The following SLC25A13 variants were observed in gnomAD, a reference collection of about 807,000 sequenced individuals.
SLC25A13 encodes electrogenic aspartate/glutamate antiporter SLC25A13, mitochondrial.
SLC25A13 carries 70 observed loss-of-function variants against 85.5 expected under a neutral mutation model. That is an observed-to-expected ratio of 0.82 (90% CI 0.68 to 1.00). The LOEUF is 1.00. Among genes scored for constraint, SLC25A13 ranks in the 50% least tolerant of loss-of-function variants. The pLI is 0.00. For synonymous variants in SLC25A13, 259 were observed against 288.7 expected, an observed-to-expected ratio of 0.90 and a Z score of 1.04; for missense variants, 765 against 819.8, an observed-to-expected ratio of 0.93 and a Z score of 0.82.
At chr7:96,159,691 T>C (rs898235329) in intron 13 of SLC25A13, among the ~76,000 whole-genome samples, 6 of 151,824 alleles carry the variant, frequency 4.0e-5, no homozygotes, top group Non-Finnish European at 8.8e-5. Context: ...CAATATAGAA[T>C]TTTTTTTTCT....
intron 3 of SLC25A13, 147 bp from the exon 4 acceptor site, chr7:96,235,064 TTTTACATA>T: frequency 1.6e-6 from 1 of 618,176 alleles, no homozygotes; most frequent in Non-Finnish European, 2.8e-6. Context: ...TAGCATTTAC[TTTTACATA>T]TAGTGGACTG....
At chr7:96,291,571 C>T (rs1010846357) in intron 2 of SLC25A13, among the ~76,000 whole-genome samples, 16 of 151,800 alleles carry the variant, frequency 1.1e-4, no homozygotes, top group East Asian at 5.8e-4. Context: ...ATTAAATAGA[C>T]GCAATAAAAA....
intron 3 of SLC25A13, among the ~76,000 whole-genome samples, chr7:96,251,745 T>C (rs1320932077): frequency 1.3e-5 from 2 of 152,222 alleles, no homozygotes; most frequent in Non-Finnish European, 2.9e-5. Context: ...TAAACTGTTC[T>C]TGAAACTGTA....
At chr7:96,312,693 A>G (rs1369833031) in intron 1 of SLC25A13, among the ~76,000 whole-genome samples, 1 of 152,194 alleles carries the variant, frequency 6.6e-6, no homozygotes, top group Non-Finnish European at 1.5e-5. Flanking sequence ...TACTGTACCC[A>G]TGAACACGGT....
chr7:96,241,090 GAAAGAAAGAAAGA>G (rs1796976827), intron 3 of SLC25A13, among the ~76,000 whole-genome samples: 4 of 143,378 alleles, frequency 2.8e-5, no homozygotes, highest in Middle Eastern at 3.5e-3. Context: ...AAGAAAGAAA[GAAAGAAAGAAAGA>G]AAGGCACTTT....
chr7:96,217,615 A>G (rs1226173518), intron 4 of SLC25A13, among the ~76,000 whole-genome samples: 1 of 152,206 alleles, frequency 6.6e-6, no homozygotes, highest in Admixed American at 6.5e-5. Context: ...ATGCTAAGTA[A>G]AAGAAACCAA....
intron 3 of SLC25A13, among the ~76,000 whole-genome samples, chr7:96,273,494 G>A (rs1199782964): frequency 6.6e-6 from 1 of 152,118 alleles, no homozygotes; most frequent in Non-Finnish European, 1.5e-5. Flanking sequence ...AGCATGGGGG[G>A]TTATGTAGGA....
chr7:96,151,898 T>C (rs978678337), intron 13 of SLC25A13, among the ~76,000 whole-genome samples: 3 of 152,214 alleles, frequency 2.0e-5, no homozygotes, highest in African/African-American at 7.2e-5. Flanking sequence ...TGAGCCAAGA[T>C]TGTGCCACTG....
At chr7:96,241,269 T>C (rs1796987898) in intron 3 of SLC25A13, among the ~76,000 whole-genome samples, 1 of 152,166 alleles carries the variant, frequency 6.6e-6, no homozygotes, top group Non-Finnish European at 1.5e-5. Flanking sequence ...AACACCTCTT[T>C]ACTCCTCAGC....
rs190080890 is a variant in SLC25A13, at chr7:96,137,878, A to C, written c.1453-5997T>G. ...GACCTTGTGATCTGCCCGCCTCAGC[A>C]CTCTCTGCTGTGATTCTGGGGGCTG... On this transcript the variant is annotated intron_variant, in intron 14 of 17. Transcript: ENST00000265631. 5.6e-3 allele frequency among the ~76,000 whole-genome samples: 856 copies of C among 152,104 alleles called. 5 individuals carry two copies. The highest frequency in any genetic ancestry group is 8.4e-3 in the Non-Finnish European group (572 of 67,988).
intron 13 of SLC25A13, among the ~76,000 whole-genome samples, chr7:96,163,265 C>T (rs376833217): frequency 6.6e-6 from 1 of 152,142 alleles, no homozygotes; most frequent in African/African-American, 2.4e-5. Context: ...TCTTGGGAGG[C>T]TCCCTCTCAG....
Position 96,122,588 on chromosome 7 carries a change from A to G in SLC25A13, c.1592-591T>C, listed in dbSNP as rs1006507018. On this transcript the variant is annotated intron_variant, in intron 15 of 17. Coordinates refer to ENST00000265631, the MANE Select transcript of SLC25A13 (RefSeq NM_014251.3). Reference sequence around the variant, plus strand: ...GGGGTGGGAGGTGGAGGTTTCGGGGAGGGGGTGAAATTGGGAGAAGGAGAC... The same window carrying G: ...GGGGTGGGAGGTGGAGGTTTCGGGGGGGGGGTGAAATTGGGAGAAGGAGAC... Among the ~76,000 whole-genome samples, 53 of 152,020 alleles carry G rather than the reference A, an allele frequency of 3.5e-4. 1 individual carries two copies. In the Middle Eastern group the frequency reaches 0.014, roughly 39 times the overall value.
intron 15 of SLC25A13, among the ~76,000 whole-genome samples, chr7:96,131,122 G>C (rs939650311): frequency 5.9e-5 from 9 of 152,146 alleles, no homozygotes; most frequent in Non-Finnish European, 1.3e-4. Context: ...TGCTCTTAGG[G>C]ACCCTTGAAA....
chr7:96,175,442 G>C (rs1794183902), intron 11 of SLC25A13, among the ~76,000 whole-genome samples: 1 of 152,208 alleles, frequency 6.6e-6, no homozygotes, highest in Admixed American at 6.5e-5. Context: ...ACAGTACTGT[G>C]TGTTTTATGT....
chr7:96,216,843 T>C (rs192399989), intron 4 of SLC25A13, among the ~76,000 whole-genome samples: 45 of 151,984 alleles, frequency 3.0e-4, no homozygotes, highest in Admixed American at 2.7e-3. Flanking sequence ...GACAAACCCC[T>C]ATGACACAAG....
chr7:96,134,790 A>G (rs1012137471), intron 14 of SLC25A13, among the ~76,000 whole-genome samples: 1 of 68,196 alleles, frequency 1.5e-5, no homozygotes, highest in Non-Finnish European at 2.9e-5. Flanking sequence ...CATACAAACA[A>G]TTTTATATAT....
At chr7:96,283,336 C>T in intron 2 of SLC25A13, 1 of 270,230 alleles carries the variant, frequency 3.7e-6, no homozygotes, top group Non-Finnish European at 7.6e-6. Context: ...GAACCACCAT[C>T]TTCCAGTAAT....
At chr7:96,178,739 T>C (rs1464792632) in intron 11 of SLC25A13, among the ~76,000 whole-genome samples, 2 of 152,218 alleles carry the variant, frequency 1.3e-5, no homozygotes, top group Non-Finnish European at 2.9e-5. Context: ...CCTGTTGCCA[T>C]GCCCTTCTCT....
chr7:96,249,829 T>G (rs150920117), intron 3 of SLC25A13, among the ~76,000 whole-genome samples: 32 of 150,566 alleles, frequency 2.1e-4, no homozygotes, highest in African/African-American at 7.9e-4. Context: ...CATCAATATT[T>G]TAATGCTTTT....
Sources: gnomAD v4.1 joint callset for allele counts (sites outside exome capture counted in the v4.1 genomes callset) on GRCh38, gnomAD v4.1.1 for gene constraint, MANE v1.5 for transcripts, NCBI Gene and HGNC (gene_info 2026-07-23, HGNC 2026-07-21) for gene names.